KIRREL3: variants seen among roughly 807,000 people sequenced by gnomAD.
KIRREL3 encodes kirre like nephrin family adhesion molecule 3, also known as kin of IRRE-like protein 3.
In KIRREL3, 36 loss-of-function variants were observed where a neutral mutation model predicts 89.7. The observed-to-expected ratio is 0.40, with a 90% confidence interval of 0.31 to 0.53. The LOEUF (loss-of-function observed/expected upper bound fraction) is 0.53. Ranked by LOEUF, KIRREL3 falls within the 20% of genes least tolerant of loss-of-function variation. The probability of loss-of-function intolerance (pLI) is 0.49; values close to 1 mark genes in which losing one functional copy is unlikely to be tolerated. For synonymous variants in KIRREL3, 445 were observed against 441.4 expected, an observed-to-expected ratio of 1.01 and a Z score of -0.10; for missense variants, 864 against 1,056.6, an observed-to-expected ratio of 0.82 and a Z score of 2.53.
intron 1 of KIRREL3, among the ~76,000 whole-genome samples, chr11:126,777,468 G>A (rs140725694): frequency 2.2e-4 from 34 of 151,638 alleles, no homozygotes; most frequent in African/African-American, 8.3e-4. Flanking sequence ...AAATGACAAG[G>A]TTTTACTCAA....
chr11:126,713,088 G>T (rs567858586), intron 1 of KIRREL3, among the ~76,000 whole-genome samples: 6 of 152,324 alleles, frequency 3.9e-5, no homozygotes, highest in African/African-American at 1.4e-4. Context: ...TGAGAAACCT[G>T]AAACTGAGGA....
rs1053546503 is a variant in KIRREL3, at chr11:126,782,849, T to C, written c.55+217606A>G. Among the ~76,000 whole-genome samples the C allele has an allele frequency of 5.3e-5, 8 of 152,334 alleles. No homozygotes were observed. Among genetic ancestry groups the C allele is most frequent in the African/African-American group, 1.9e-4 (8 of 41,586 alleles). ...AGCTATATCTCCTGAGAAAGCCTAC[T>C]AGCAACAACATTACAGTAGCAACAA... On this transcript the variant is annotated intron_variant, in intron 1 of 16. Transcript: ENST00000525144. This position sits in a 1 kb window ranked among gnomAD's most constrained non-coding sequence, Gnocchi z 4.1.
At chr11:126,604,051 T>C (rs1942779956) in intron 1 of KIRREL3, among the ~76,000 whole-genome samples, 1 of 152,220 alleles carries the variant, frequency 6.6e-6, no homozygotes. Context: ...CTTCCTGCTT[T>C]CCTTTCTTCC....
intron 1 of KIRREL3, among the ~76,000 whole-genome samples, chr11:126,592,314 A>G (rs1942175469): frequency 1.3e-5 from 2 of 152,178 alleles, no homozygotes; most frequent in Non-Finnish European, 2.9e-5. Context: ...CTATAATACT[A>G]TGTCTTATTA....
intron 1 of KIRREL3, among the ~76,000 whole-genome samples, chr11:126,880,852 G>A (rs1557490): frequency 2.6e-5 from 4 of 152,138 alleles, no homozygotes; most frequent in East Asian, 1.9e-4. Flanking sequence ...ATAGAAAGAG[G>A]CTTTGTGGAA....
rs1253980588 is a variant in KIRREL3, at chr11:126,508,571, C to G, written c.433+12744G>C. 6.6e-6 allele frequency among the ~76,000 whole-genome samples: 1 copy of G among 152,104 alleles called. No homozygotes were observed. Among genetic ancestry groups the G allele is most frequent in the Non-Finnish European group, 1.5e-5 (1 of 68,014 alleles). ...GTTCAAGCAGGGCTCCTGGAGTTCCCAGGGGCTAGGAAGAAACCTGTTTCA... is the reference window on the plus strand; with the variant it reads ...GTTCAAGCAGGGCTCCTGGAGTTCCGAGGGGCTAGGAAGAAACCTGTTTCA... On this transcript the variant is annotated intron_variant, in intron 4 of 16. Coordinates refer to ENST00000525144, the MANE Select transcript of KIRREL3 (RefSeq NM_032531.4). The surrounding 1 kb of genome is among the most constrained non-coding windows in gnomAD (Gnocchi z 4.9).
At chr11:127,001,903 G>A (rs1286882995), upstream of KIRREL3, among the ~76,000 whole-genome samples, 1 of 152,016 alleles carries the variant, frequency 6.6e-6, no homozygotes, top group Non-Finnish European at 1.5e-5. Flanking sequence ...AGAAGGAGAG[G>A]TAAAGAGAGA....
Position 126,848,823 on chromosome 11 carries a change from A to G in KIRREL3, c.55+151632T>C, listed in dbSNP as rs564215010. 3.9e-5 allele frequency among the ~76,000 whole-genome samples: 6 copies of G among 152,336 alleles called. No individual in the cohort carries two copies. The South Asian group carries it at 6.2e-4, about 16-fold the overall frequency. ...TTGACATACCAAAGCTTTCTGACTGAGCTCCTCTCTACCCTAAATACAAGA... is the reference window on the plus strand; with the variant it reads ...TTGACATACCAAAGCTTTCTGACTGGGCTCCTCTCTACCCTAAATACAAGA... On this transcript the variant is annotated intron_variant, in intron 1 of 16. Coordinates refer to ENST00000525144, the MANE Select transcript of KIRREL3 (RefSeq NM_032531.4).
chr11:126,865,480 A>G (rs1363011945), intron 1 of KIRREL3, among the ~76,000 whole-genome samples: 3 of 152,232 alleles, frequency 2.0e-5, no homozygotes, highest in Non-Finnish European at 2.9e-5. Flanking sequence ...CGAAGCAACA[A>G]TGCCCCGGTG....
Position 126,668,695 on chromosome 11 carries a change from T to TTC in KIRREL3, c.56-105785_56-105784dup, listed in dbSNP as rs1171852394. Among the ~76,000 whole-genome samples, 2 of 39,248 alleles carry TTC rather than the reference T, an allele frequency of 5.1e-5. No individual in the cohort carries two copies. Among genetic ancestry groups the TTC allele is most frequent in the Non-Finnish European group, 1.2e-4 (2 of 16,948 alleles). The allele number at this position is 39,248 out of a possible 152,430, so 25.7% of individuals were successfully genotyped here. The stretch of plus-strand genomic sequence containing the variant: ...AAGAGCTGTTGGGAAGTTTCTGTTT[T>TTC]TCTTTCTTTCTTTCTTTCTTTCTTT... On this transcript the variant is annotated intron_variant, in intron 1 of 16. Coordinates refer to ENST00000525144, the MANE Select transcript of KIRREL3 (RefSeq NM_032531.4). This position sits in a 1 kb window ranked among gnomAD's most constrained non-coding sequence, Gnocchi z 4.4.
At chr11:126,919,086 A>AT (rs1947164082) in intron 1 of KIRREL3, among the ~76,000 whole-genome samples, 2 of 151,882 alleles carry the variant, frequency 1.3e-5, no homozygotes, top group Admixed American at 1.3e-4. Flanking sequence ...AGGAGATATG[A>AT]TTTTTTAACA....
chr11:126,640,325 C>T lies in KIRREL3; in HGVS notation c.56-77413G>A, dbSNP rs553634931. ...TGGGAAAGGAGGTTGTCAAGACTAA[C>T]TGAACACAACACACACACAGACGCG... On this transcript the variant is annotated intron_variant, in intron 1 of 16. Transcript: ENST00000525144. This position sits in a 1 kb window ranked among gnomAD's most constrained non-coding sequence, Gnocchi z 4.9. Among the ~76,000 whole-genome samples the T allele has an allele frequency of 6.6e-6, 1 of 152,242 alleles. No individual in the cohort carries two copies. Among genetic ancestry groups the T allele is most frequent in the East Asian group, 1.9e-4 (1 of 5,150 alleles).
Position 126,997,848 on chromosome 11 carries a change from C to T in KIRREL3, c.55+2607G>A, listed in dbSNP as rs891736014. 9.2e-5 allele frequency among the ~76,000 whole-genome samples: 14 copies of T among 152,140 alleles called. No homozygotes were observed. The highest frequency in any genetic ancestry group is 5.9e-4 in the Admixed American group (9 of 15,282). The stretch of plus-strand genomic sequence containing the variant: ...GTTGGACAGCAGATGGCCATGTCAT[C>T]GGAGTGCCAGATAAGGCACTAAAAA... On this transcript the variant is annotated intron_variant, in intron 1 of 16. Coordinates refer to ENST00000525144, the MANE Select transcript of KIRREL3 (RefSeq NM_032531.4). This position sits in a 1 kb window ranked among gnomAD's most constrained non-coding sequence, Gnocchi z 4.3.
At position 126,898,219 on chromosome 11, in the gene KIRREL3, T is replaced by A. The variant is rs1435050898; in HGVS notation, c.55+102236A>T. On this transcript the variant is annotated intron_variant, in intron 1 of 16. Transcript: ENST00000525144. This position sits in a 1 kb window ranked among gnomAD's most constrained non-coding sequence, Gnocchi z 4.9. ...GTTAGTAACAAGGACAATGAAACAC[T>A]ACTTTATGCCAATTAGGTTAGCAAG... is the stretch of plus-strand genomic sequence containing the variant. Among the ~76,000 whole-genome samples, 1 of 152,166 alleles carries A rather than the reference T, an allele frequency of 6.6e-6. No individual in the cohort carries two copies. The highest frequency in any genetic ancestry group is 1.5e-5 in the Non-Finnish European group (1 of 68,022).
Position 126,955,044 on chromosome 11 carries a change from C to G in KIRREL3, c.55+45411G>C, listed in dbSNP as rs1010996822. Among the ~76,000 whole-genome samples the G allele has an allele frequency of 3.3e-5, 5 of 151,878 alleles. No individual in the cohort carries two copies. Among genetic ancestry groups the G allele is most frequent in the African/African-American group, 1.2e-4 (5 of 41,284 alleles). On this transcript the variant is annotated intron_variant, in intron 1 of 16. Transcript: ENST00000525144. This position sits in a 1 kb window ranked among gnomAD's most constrained non-coding sequence, Gnocchi z 4.6. Reference sequence around the variant, plus strand: ...CTGAAGCAGGAAGAACTGACCCTCTCTCTACACTGGCCTTGCTCTGATGAT... The same window carrying G: ...CTGAAGCAGGAAGAACTGACCCTCTGTCTACACTGGCCTTGCTCTGATGAT...
intron 1 of KIRREL3, among the ~76,000 whole-genome samples, chr11:126,770,390 C>T (rs988182348): frequency 2.6e-5 from 4 of 152,160 alleles, no homozygotes; most frequent in South Asian, 2.1e-4. Context: ...TCACTACAGT[C>T]GCAGCGACAC....
At chr11:126,552,412 C>T (rs868550553) in intron 2 of KIRREL3, among the ~76,000 whole-genome samples, 1 of 152,192 alleles carries the variant, frequency 6.6e-6, no homozygotes, top group South Asian at 2.1e-4. Context: ...CTCCCACCCC[C>T]ATCAGGGCCC....
chr11:126,637,813 C>A (rs890809866), intron 1 of KIRREL3, among the ~76,000 whole-genome samples: 1 of 152,200 alleles, frequency 6.6e-6, no homozygotes, highest in African/African-American at 2.4e-5. Flanking sequence ...AACATTTACA[C>A]AATGTCTACA....
At chr11:126,873,549 G>A (rs953162145) in intron 1 of KIRREL3, among the ~76,000 whole-genome samples, 2 of 152,148 alleles carry the variant, frequency 1.3e-5, no homozygotes, top group Non-Finnish European at 2.9e-5. Context: ...TTGCTCACAA[G>A]AGTCAAGCAT....
Sources: gnomAD v4.1 joint callset for allele counts (sites outside exome capture counted in the v4.1 genomes callset) on GRCh38, gnomAD v4.1.1 for gene constraint, Gnocchi (gnomAD v3.1) non-coding constraint, MANE v1.5 for transcripts, NCBI Gene and HGNC (gene_info 2026-07-23, HGNC 2026-07-21) for gene names.